IL15: variants seen among roughly 807,000 people sequenced by gnomAD.
The protein encoded by IL15 is interleukin 15.
In IL15, 11 loss-of-function variants were observed where a neutral mutation model predicts 19.6. The ratio of observed to expected loss-of-function variants is 0.56; its 90% CI spans 0.35 to 0.93. The LOEUF is 0.93. Ranked by LOEUF, IL15 falls within the 40% of genes least tolerant of loss-of-function variation. IL15 has a pLI of 0.01. For synonymous variants in IL15, 58 were observed against 59.6 expected, an observed-to-expected ratio of 0.97 and a Z score of 0.12; for missense variants, 197 against 186.5, an observed-to-expected ratio of 1.06 and a Z score of -0.33.
chr4:141,704,694 G>A, intron 2 of IL15: 2 of 216,240 alleles, frequency 9.2e-6, no homozygotes, highest in Middle Eastern at 1.6e-3. Context: ...GATGATGGAA[G>A]ACTTATTAGT....
rs1250043949 is a variant in IL15 at position 141,733,664 on chromosome 4, G to T, written c.*816G>T. ...TATCATTAGCGGTAGTGTATTTAAAGTGTGGCCCAAGACAATTCTTCTTAT... is the reference window on the plus strand; with the variant it reads ...TATCATTAGCGGTAGTGTATTTAAATTGTGGCCCAAGACAATTCTTCTTAT... On this transcript the variant is annotated 3_prime_UTR_variant, in exon 8 of 8. Transcript: ENST00000320650. 5 of 152,148 alleles carry T rather than the reference G, an allele frequency of 3.3e-5. No individual in the cohort carries two copies. Among genetic ancestry groups the T allele is most frequent in the African/African-American group, 1.2e-4 (5 of 41,436 alleles). The allele number at this position is 152,148 out of a possible 1,614,324, so 9.4% of individuals were successfully genotyped here. A position where few individuals can be genotyped will look rare whatever the true frequency, so the allele number is the denominator to read the frequency against.
rs150767852 is a variant in IL15, at chr4:141,731,154, A to G, written c.378+1170A>G. Reference sequence around the variant, plus strand: ...TGGACACCTTGACTTTTCTCTAAAAATACAAGACTGCTTTAGGTCTTTGCT... The same window carrying G: ...TGGACACCTTGACTTTTCTCTAAAAGTACAAGACTGCTTTAGGTCTTTGCT... On this transcript the variant is annotated intron_variant, in intron 7 of 7. Transcript: ENST00000320650. Among the ~76,000 whole-genome samples the G allele has an allele frequency of 3.9e-5, 6 of 152,278 alleles. No individual in the cohort carries two copies. In the East Asian group the frequency reaches 9.7e-4, roughly 25 times the overall value.
chr4:141,689,237 G>A (rs1295522114), intron 2 of IL15, among the ~76,000 whole-genome samples: 3 of 152,152 alleles, frequency 2.0e-5, no homozygotes, highest in East Asian at 3.9e-4. Context: ...CAGTGTGGAA[G>A]GGGACCTGAG....
intron 2 of IL15, among the ~76,000 whole-genome samples, chr4:141,701,095 C>A (rs1729284778): frequency 6.6e-6 from 1 of 152,018 alleles, no homozygotes; most frequent in African/African-American, 2.4e-5. Context: ...AATAGTCAAC[C>A]TTCTGAATTC....
At chr4:141,731,265 C>T (rs575954892) in intron 7 of IL15, among the ~76,000 whole-genome samples, 1 of 152,194 alleles carries the variant, frequency 6.6e-6, no homozygotes, top group East Asian at 1.9e-4. Flanking sequence ...CTCTGCGTGT[C>T]CCATATCTGG....
chr4:141,658,730 A>G (rs1407934152), intron 2 of IL15, among the ~76,000 whole-genome samples: 1 of 152,174 alleles, frequency 6.6e-6, no homozygotes, highest in Non-Finnish European at 1.5e-5. Flanking sequence ...CATCATTTTT[A>G]GTATGAGAAA....
chr4:141,661,217 A>G (rs1358464891), intron 2 of IL15, among the ~76,000 whole-genome samples: 1 of 152,204 alleles, frequency 6.6e-6, no homozygotes, highest in Non-Finnish European at 1.5e-5. Flanking sequence ...AGGAAGAATG[A>G]GAGTGTGGAG....
intron 2 of IL15, among the ~76,000 whole-genome samples, chr4:141,711,002 AT>A (rs1185826742): frequency 6.6e-6 from 1 of 152,106 alleles, no homozygotes; most frequent in African/African-American, 2.4e-5. Flanking sequence ...GTTTCCTAGC[AT>A]TGCGACTGAT....
At chr4:141,718,177 G>A (rs1357838015) in intron 2 of IL15, 2 of 152,146 alleles carry the variant, frequency 1.3e-5, no homozygotes, top group Admixed American at 6.5e-5. Context: ...TGCTATAAGA[G>A]GCCAGGAATG....
At chr4:141,691,833 T>A (rs1346402055) in intron 2 of IL15, among the ~76,000 whole-genome samples, 1 of 152,170 alleles carries the variant, frequency 6.6e-6, no homozygotes, top group Non-Finnish European at 1.5e-5. Context: ...AAGCTGTCAG[T>A]GGATCTATCT....
chr4:141,712,317 G>T (rs535621835), intron 2 of IL15, among the ~76,000 whole-genome samples: 1 of 152,222 alleles, frequency 6.6e-6, no homozygotes, highest in South Asian at 2.1e-4. Flanking sequence ...TTTCCGGACA[G>T]TAGGTTAAAT....
At chr4:141,718,407 G>A (rs1328488881) in intron 2 of IL15, 1 of 152,028 alleles carries the variant, frequency 6.6e-6, no homozygotes, top group Non-Finnish European at 1.5e-5. Context: ...AGATAATATA[G>A]ACAAAGGGAA....
At chr4:141,709,505 T>A (rs1369924793) in intron 2 of IL15, among the ~76,000 whole-genome samples, 1 of 152,234 alleles carries the variant, frequency 6.6e-6, no homozygotes, top group East Asian at 1.9e-4. Flanking sequence ...CATTGGTATT[T>A]TGAAGTCAGT....
At chr4:141,645,764 G>A (rs1327203813) in intron 1 of IL15, among the ~76,000 whole-genome samples, 1 of 152,088 alleles carries the variant, frequency 6.6e-6, no homozygotes, top group Non-Finnish European at 1.5e-5. Context: ...TGACTCAATG[G>A]TCAAGGGATG....
intron 2 of IL15, among the ~76,000 whole-genome samples, chr4:141,700,252 G>A (rs1046713574): frequency 6.6e-6 from 1 of 152,116 alleles, no homozygotes; most frequent in Non-Finnish European, 1.5e-5. Context: ...CTATTTTGGT[G>A]TATATTGAAC....
intron 2 of IL15, among the ~76,000 whole-genome samples, chr4:141,710,572 AT>A (rs1345084054): frequency 6.6e-6 from 1 of 152,112 alleles, no homozygotes; most frequent in East Asian, 1.9e-4. Flanking sequence ...GTTTATTTAC[AT>A]CTTTGCTTGC....
chr4:141,729,912 C>A lies in IL15; in HGVS notation c.306C>A (p.Ser102=). 6.3e-7 allele frequency: 1 copy of A among 1,580,022 alleles called. No individual in the cohort carries two copies. The highest frequency in any genetic ancestry group is 8.7e-7 in the Non-Finnish European group (1 of 1,149,266). Residue 102 remains serine (S), a synonymous_variant, in exon 7 of 8, where the codon TCC becomes TCA. Coordinates refer to ENST00000320650, the MANE Select transcript of IL15 (RefSeq NM_000585.5). ...LLELQVISLE[S]GDASIHDTVE... ...AGTTACAAGTTATTTCACTTGAGTC[C>A]GGAGATGCAAGTATTCATGATACAG...
At chr4:141,718,069 G>A (rs553418177) in intron 2 of IL15, 11 of 152,200 alleles carry the variant, frequency 7.2e-5, no homozygotes, top group Non-Finnish European at 7.3e-5. Flanking sequence ...CTCTATGGTG[G>A]AGTCTTCTGG....
intron 2 of IL15, among the ~76,000 whole-genome samples, chr4:141,712,202 C>A (rs1729736419): frequency 6.6e-6 from 1 of 152,084 alleles, no homozygotes; most frequent in African/African-American, 2.4e-5. Flanking sequence ...TAATTTCCAA[C>A]TTTTTCTTCT....
Sources: gnomAD v4.1 joint callset for allele counts (sites outside exome capture counted in the v4.1 genomes callset) on GRCh38, gnomAD v4.1.1 for gene constraint, MANE v1.5 for transcripts, NCBI Gene and HGNC (gene_info 2026-07-23, HGNC 2026-07-21) for gene names.